Variants in CCDC85A observed in about 807,000 individuals in gnomAD.
CCDC85A encodes coiled-coil domain-containing protein 85A.
A neutral mutation model predicts 50.2 loss-of-function variants in CCDC85A; 38 were observed. The ratio of observed to expected loss-of-function variants is 0.76; its 90% CI spans 0.58 to 0.99. The LOEUF is 0.99. Ranked by LOEUF, CCDC85A falls within the 50% of genes least tolerant of loss-of-function variation. CCDC85A has a pLI of 0.00. For synonymous variants in CCDC85A, 366 were observed against 301.4 expected (o/e 1.21, Z -2.22); for missense variants, 820 against 742.0 (o/e 1.11, Z -1.22).
chr2:56,330,249 G>C (rs1346014993), intron 2 of CCDC85A, among the ~76,000 whole-genome samples: 2 of 151,992 alleles, frequency 1.3e-5, no homozygotes, highest in Non-Finnish European at 2.9e-5. Context: ...TTTCCGTATA[G>C]TCCCCAGTTC....
At chr2:56,243,647 T>G (rs1014967101) in intron 2 of CCDC85A, among the ~76,000 whole-genome samples, 9 of 152,164 alleles carry the variant, frequency 5.9e-5, no homozygotes. Context: ...GGTTCCTTAT[T>G]TAGTTTGTTC....
chr2:56,277,295 T>A (rs1051577768), intron 2 of CCDC85A, among the ~76,000 whole-genome samples: 2 of 152,178 alleles, frequency 1.3e-5, no homozygotes, highest in Non-Finnish European at 1.5e-5. Context: ...CAGACATGAT[T>A]AAGCCATTCA....
chr2:56,339,029 C>T (rs1462367399), intron 2 of CCDC85A, among the ~76,000 whole-genome samples: 2 of 152,072 alleles, frequency 1.3e-5, no homozygotes, highest in East Asian at 3.9e-4. Context: ...GCAACAGGGG[C>T]TAAGAACCTG....
intron 2 of CCDC85A, among the ~76,000 whole-genome samples, chr2:56,267,420 A>G (rs1307184213): frequency 2.6e-5 from 4 of 152,200 alleles, no homozygotes; most frequent in Admixed American, 6.5e-5. Flanking sequence ...ACCTTTTTAC[A>G]TATGGCGCAC....
rs1164485729 is a variant in CCDC85A at position 56,265,859 on chromosome 2, A to G, written c.1240+72419A>G. Among the ~76,000 whole-genome samples, 3 of 152,182 alleles carry G rather than the reference A, an allele frequency of 2.0e-5. No individual in the cohort carries two copies. In the East Asian group the frequency reaches 5.8e-4, roughly 29 times the overall value. The stretch of plus-strand genomic sequence containing the variant: ...TCTGCACTCCCATATTTATTATAGC[A>G]CTATTCATAGTAGCTAAAATATGGA... On this transcript the variant is annotated intron_variant, in intron 2 of 5. Transcript: ENST00000407595.
chr2:56,223,124 G>A (rs866597690), intron 2 of CCDC85A, among the ~76,000 whole-genome samples: 3 of 152,138 alleles, frequency 2.0e-5, no homozygotes, highest in Admixed American at 1.3e-4. Flanking sequence ...AGCAATGGCA[G>A]CATCACTGAA....
intron 2 of CCDC85A, among the ~76,000 whole-genome samples, chr2:56,229,886 C>T (rs1252895169): frequency 1.3e-5 from 2 of 152,176 alleles, no homozygotes; most frequent in Non-Finnish European, 2.9e-5. Flanking sequence ...ATATGACTTT[C>T]ACCTTGAGCT....
chr2:56,312,506 C>T (rs1672741842), intron 2 of CCDC85A, among the ~76,000 whole-genome samples: 1 of 152,000 alleles, frequency 6.6e-6, no homozygotes, highest in Admixed American at 6.6e-5. Flanking sequence ...GTATGCTGCC[C>T]ATAATACAGG....
At chr2:56,211,173 G>T (rs1014608000) in intron 2 of CCDC85A, among the ~76,000 whole-genome samples, 4 of 152,044 alleles carry the variant, frequency 2.6e-5, no homozygotes, top group Admixed American at 6.6e-5. Context: ...GTTCATAGGA[G>T]GGTAAATCTG....
intron 3 of CCDC85A, among the ~76,000 whole-genome samples, chr2:56,355,043 T>C (rs1297412825): frequency 6.6e-6 from 1 of 152,168 alleles, no homozygotes; most frequent in Admixed American, 6.5e-5. Flanking sequence ...CCATCAGGTA[T>C]ACAAGCCTTC....
intron 2 of CCDC85A, among the ~76,000 whole-genome samples, chr2:56,337,656 C>T (rs556923720): frequency 6.6e-6 from 1 of 152,320 alleles, no homozygotes. Flanking sequence ...GTAAGAACTA[C>T]TGCCAATGTT....
At chr2:56,313,524 A>C (rs547607965) in intron 2 of CCDC85A, among the ~76,000 whole-genome samples, 205 of 152,178 alleles carry the variant, frequency 1.3e-3, no homozygotes, top group Middle Eastern at 0.01. Flanking sequence ...CTCTTTTTCC[A>C]GGCTCTTGCT....
intron 2 of CCDC85A, among the ~76,000 whole-genome samples, chr2:56,251,183 C>G (rs537799876): frequency 1.3e-5 from 2 of 152,248 alleles, no homozygotes; most frequent in African/African-American, 2.4e-5. Context: ...GGGTATGGGT[C>G]GCTTTAGACC....
At chr2:56,193,652 G>A (rs1676414077) in intron 2 of CCDC85A, among the ~76,000 whole-genome samples, 2 of 152,174 alleles carry the variant, frequency 1.3e-5, no homozygotes, top group African/African-American at 4.8e-5. Context: ...GTGTGAAGAA[G>A]TTTGGGGATG....
intron 2 of CCDC85A, among the ~76,000 whole-genome samples, chr2:56,261,858 T>C (rs1447747169): frequency 1.3e-5 from 2 of 152,112 alleles, no homozygotes; most frequent in Non-Finnish European, 1.5e-5. Flanking sequence ...CATGATATCC[T>C]TCACTCATGC....
At position 56,192,278 on chromosome 2, in the gene CCDC85A, G is replaced by T. The variant is rs1227339167; in HGVS notation, c.277-199G>T. ...GATGACATAATGCAAGTAAAGTATT[G>T]TGCAGGGATAGAACTGATACTTAAG... On this transcript the variant is annotated intron_variant, in intron 1 of 5. Transcript: ENST00000407595. The surrounding 1 kb of genome is among the most constrained non-coding windows in gnomAD (Gnocchi z 4.7). 1.3e-5 allele frequency among the ~76,000 whole-genome samples: 2 copies of T among 152,060 alleles called. No individual in the cohort carries two copies. The highest frequency in any genetic ancestry group is 3.9e-4 in the East Asian group (2 of 5,184).
intron 2 of CCDC85A, among the ~76,000 whole-genome samples, chr2:56,342,305 C>T (rs765176024): frequency 6.6e-6 from 1 of 151,724 alleles, no homozygotes; most frequent in African/African-American, 2.4e-5. Context: ...ATATTTGTTC[C>T]ATCTTAAGAG....
intron 2 of CCDC85A, among the ~76,000 whole-genome samples, chr2:56,222,704 A>G (rs1249775577): frequency 2.0e-5 from 3 of 152,142 alleles, no homozygotes; most frequent in Non-Finnish European, 4.4e-5. Flanking sequence ...GATAACAAAT[A>G]TGTTCTAAGT....
chr2:56,283,643 T>A (rs1033218231), intron 2 of CCDC85A, among the ~76,000 whole-genome samples: 2 of 152,184 alleles, frequency 1.3e-5, no homozygotes, highest in Non-Finnish European at 2.9e-5. Flanking sequence ...TGAATCAATG[T>A]TGGTAACTTG....
Sources: gnomAD v4.1 joint callset for allele counts (sites outside exome capture counted in the v4.1 genomes callset) on GRCh38, gnomAD v4.1.1 for gene constraint, Gnocchi (gnomAD v3.1) non-coding constraint, MANE v1.5 for transcripts, NCBI Gene and HGNC (gene_info 2026-07-23, HGNC 2026-07-21) for gene names.